Variants in COL20A1 observed in about 807,000 individuals in gnomAD.
COL20A1 encodes collagen type XX alpha 1 chain.
In COL20A1, 164 loss-of-function variants were observed where a neutral mutation model predicts 152.9. The ratio of observed to expected loss-of-function variants is 1.07; its 90% CI spans 0.94 to 1.22. The LOEUF is 1.22. COL20A1 is among the 50% of genes most tolerant of loss of function. The pLI is 0.00. For synonymous variants in COL20A1, 864 were observed against 756.0 expected (o/e 1.14, Z -2.34); for missense variants, 1,873 against 1,744.8 (o/e 1.07, Z -1.31).
At chr20:63,330,358 C>T (rs1158159612) in intron 35 of COL20A1, among the ~76,000 whole-genome samples, 2 of 152,094 alleles carry the variant, frequency 1.3e-5, no homozygotes, top group East Asian at 1.9e-4. Flanking sequence ...CTAGGGGACT[C>T]GGCAGGGGCT....
rs2068330621 is a variant in COL20A1, at chr20:63,331,225, A to C, written c.*509A>C. The C allele has an allele frequency of 1.3e-5, 2 of 152,132 alleles. No individual in the cohort carries two copies. Among genetic ancestry groups the C allele is most frequent in the Non-Finnish European group, 2.9e-5 (2 of 68,094 alleles). The allele number at this position is 152,132 out of a possible 1,614,324, so 9.4% of individuals were successfully genotyped here. A position where few individuals can be genotyped will look rare whatever the true frequency, so the allele number is the denominator to read the frequency against. ...CAACAGATGGTTCCACTGCTGGCCC[A>C]CCAGTCACCTGCACGATGGCTCCTC... On this transcript the variant is annotated 3_prime_UTR_variant, in exon 36 of 36. Transcript: ENST00000358894.
rs554588703 is a variant in COL20A1 at position 63,321,610 on chromosome 20, C to T, written c.3241-448C>T. Reference sequence around the variant, plus strand: ...TAGCTCACCTGCAGCAGGAGCTATACGGGCCCTCTACCCAGGCCTCAGGGA... The same window carrying T: ...TAGCTCACCTGCAGCAGGAGCTATATGGGCCCTCTACCCAGGCCTCAGGGA... On this transcript the variant is annotated intron_variant, in intron 26 of 35. Transcript: ENST00000358894. 2.6e-5 allele frequency among the ~76,000 whole-genome samples: 4 copies of T among 152,304 alleles called. No individual in the cohort carries two copies. In the South Asian group the frequency reaches 6.2e-4, roughly 24 times the overall value.
chr20:63,298,071 A>G (rs1401670559), intron 3 of COL20A1, 51 bp downstream of exon 3: 2 of 1,333,760 alleles, frequency 1.5e-6, no homozygotes, highest in Non-Finnish European at 2.1e-6. Flanking sequence ...CGTGCCGAGG[A>G]CAGTCAGTGT....
At chr20:63,326,620 A>G in intron 30 of COL20A1, 132 bp from the exon 31 acceptor site, 1 of 571,412 alleles carries the variant, frequency 1.8e-6, no homozygotes. Context: ...GGCCTGAAGG[A>G]GGCTGGGGCC....
In COL20A1 at chr20:63,334,111, T is replaced by C. The variant is rs2068365775; in HGVS notation, c.*3395T>C. 6.6e-6 allele frequency: 1 copy of C among 152,174 alleles called. No individual in the cohort carries two copies. Among genetic ancestry groups the C allele is most frequent in the African/African-American group, 2.4e-5 (1 of 41,424 alleles). The allele number at this position is 152,174 out of a possible 1,614,324, so 9.4% of individuals were successfully genotyped here. On this transcript the variant is annotated 3_prime_UTR_variant, in exon 36 of 36. Coordinates refer to ENST00000358894, the MANE Select transcript of COL20A1 (RefSeq NM_020882.4). Reference sequence around the variant, plus strand: ...ACACTCTCCTCTCATGTGTGGAATATCCACACACTAACCATGAACTGGGCC... The same window carrying C: ...ACACTCTCCTCTCATGTGTGGAATACCCACACACTAACCATGAACTGGGCC...
intron 24 of COL20A1, 28 bp downstream of exon 24, chr20:63,320,225 G>T: frequency 6.2e-7 from 1 of 1,601,440 alleles, no homozygotes. Flanking sequence ...CACCTGCTGG[G>T]CCACGCTGGT....
intron 2 of COL20A1, among the ~76,000 whole-genome samples, chr20:63,295,609 C>A (rs893647320): frequency 1.3e-5 from 2 of 152,158 alleles, no homozygotes; most frequent in Non-Finnish European, 2.9e-5. Flanking sequence ...CACGCAGCAC[C>A]ACCCCCTCCG....
Position 63,311,742 on chromosome 20 carries a change from A to G in COL20A1, c.1657A>G (p.Arg553Gly). 6 of 1,590,798 alleles carry G rather than the reference A, an allele frequency of 3.8e-6. No individual in the cohort carries two copies. The highest frequency in any genetic ancestry group is 5.1e-6 in the Non-Finnish European group (6 of 1,173,766). The change falls in exon 13 of 36, where the codon AGG becomes GGG. Residue 553 changes from arginine (R) to glycine (G), a missense_variant. Arg to Gly is a moderately radical substitution (Grantham distance 125). Coordinates refer to ENST00000358894, the MANE Select transcript of COL20A1 (RefSeq NM_020882.4). This position sits in a 1 kb window ranked among gnomAD's most constrained non-coding sequence, Gnocchi z 4.4. The stretch of plus-strand genomic sequence containing the variant: ...CAGCGAGGCCCGGGGCATCCGTGCC[A>G]GGACCCGTGAGTGCTCCAACCCCGG... ...EGSEARGIRARTPTLAPPRHL... is the reference protein window; with the variant it reads ...EGSEARGIRAGTPTLAPPRHL...
intron 26 of COL20A1, 114 bp from the exon 27 acceptor site, chr20:63,321,944 C>A: frequency 1.3e-6 from 1 of 756,668 alleles, no homozygotes; most frequent in African/African-American, 1.9e-5. Context: ...CAGTCTGGGG[C>A]TGGGTGGGGC....
chr20:63,328,639 G>A, intron 34 of COL20A1, 141 bp downstream of exon 34: 3 of 849,762 alleles, frequency 3.5e-6, no homozygotes, highest in Non-Finnish European at 1.8e-6. Flanking sequence ...CTGGGGTGCT[G>A]GGGTGAGGAC....
chr20:63,325,602 A>G (rs2068234365), intron 28 of COL20A1, 66 bp from the exon 29 acceptor site: 1 of 1,568,470 alleles, frequency 6.4e-7, no homozygotes, highest in South Asian at 1.1e-5. Flanking sequence ...GTGAGGCCTC[A>G]CAGGCAGGGC....
intron 35 of COL20A1, among the ~76,000 whole-genome samples, chr20:63,330,104 G>C (rs1261341526): frequency 6.6e-6 from 1 of 152,020 alleles, no homozygotes; most frequent in Non-Finnish European, 1.5e-5. Flanking sequence ...TGGGTATGTC[G>C]ATGAGAGAGG....
chr20:63,305,915 C>T lies in COL20A1; in HGVS notation c.372C>T (p.Ser124=), dbSNP rs1289995085. Residue 124 remains serine (S), a synonymous_variant, in exon 5 of 36, where the codon AGC becomes AGT. Coordinates refer to ENST00000358894, the MANE Select transcript of COL20A1 (RefSeq NM_020882.4). This position sits in a 1 kb window ranked among gnomAD's most constrained non-coding sequence, Gnocchi z 4.9. ...EDLKSSSLDR[S]SQRPLGSGAP... ...TGAAGAGTAGCTCCCTGGACAGGAGCAGCCAGAGGCCCCTCGGCTCTGGAG... is the reference window on the plus strand; with the variant it reads ...TGAAGAGTAGCTCCCTGGACAGGAGTAGCCAGAGGCCCCTCGGCTCTGGAG... 1.2e-6 allele frequency: 2 copies of T among 1,612,836 alleles called. No homozygotes were observed. Among genetic ancestry groups the T allele is most frequent in the African/African-American group, 2.7e-5 (2 of 74,924 alleles).
chr20:63,316,557 T>C lies in COL20A1; in HGVS notation c.2529T>C (p.Phe843=). 1 of 1,590,692 alleles carries C rather than the reference T, an allele frequency of 6.3e-7. No individual in the cohort carries two copies. The highest frequency in any genetic ancestry group is 8.6e-7 in the Non-Finnish European group (1 of 1,169,042). The change falls in exon 21 of 36, where the codon TTT becomes TTC. Residue 843 remains phenylalanine (F), a synonymous_variant. Coordinates refer to ENST00000358894, the MANE Select transcript of COL20A1 (RefSeq NM_020882.4). ...ALRPDGSLPG[F]DLMVAFSLVE... is the part of the protein sequence containing the mutation. ...TTCCCCCACCATCTTCCCCAGGGTT[T>C]GACCTGATGGTGGCCTTCAGCCTGG...
chr20:63,308,942 CCT>C (rs1416223334), intron 8 of COL20A1, among the ~76,000 whole-genome samples: 2 of 152,178 alleles, frequency 1.3e-5, no homozygotes, highest in South Asian at 2.1e-4. Context: ...CAACCCTCCC[CCT>C]GTGGCGTGAA....
chr20:63,329,875 T>A (rs1312651040), intron 35 of COL20A1, among the ~76,000 whole-genome samples: 1 of 149,950 alleles, frequency 6.7e-6, no homozygotes, highest in Non-Finnish European at 1.5e-5. Context: ...GGGTGTGGGG[T>A]CACAGGGCGT....
intron 20 of COL20A1, among the ~76,000 whole-genome samples, chr20:63,316,317 T>G (rs2068083377): frequency 6.6e-6 from 1 of 151,798 alleles, no homozygotes; most frequent in Non-Finnish European, 1.5e-5. Flanking sequence ...CCCCTCCCAG[T>G]GTGTTGGATT....
intron 3 of COL20A1, among the ~76,000 whole-genome samples, chr20:63,301,870 A>T (rs2067866745): frequency 6.6e-6 from 1 of 152,140 alleles, no homozygotes; most frequent in Admixed American, 6.5e-5. Flanking sequence ...TTTTTATTAA[A>T]AGATTTTTTC....
chr20:63,325,512 A>C lies in COL20A1; in HGVS notation c.3348+18A>C. 1.9e-6 allele frequency: 3 copies of C among 1,568,016 alleles called. No individual in the cohort carries two copies. Among genetic ancestry groups the C allele is most frequent in the African/African-American group, 1.4e-5 (1 of 73,502 alleles). ...GCTTGCAGGTAGTGTGGCTGGGGCC[A>C]GGGGGCCACAGGGGTTGGTGGGGGT... On this transcript the variant is annotated intron_variant, in intron 28 of 35. Transcript: ENST00000358894.
Sources: allele counts gnomAD v4.1 joint callset (sites outside exome capture counted in the v4.1 genomes callset), GRCh38; gene constraint gnomAD v4.1.1; non-coding constraint Gnocchi (gnomAD v3.1); transcripts MANE v1.5; gene names NCBI Gene and HGNC (gene_info 2026-07-23, HGNC 2026-07-21).